The following UGT1A10 variants were observed in gnomAD, a reference collection of about 807,000 sequenced individuals.
UGT1A10 encodes UDP glucuronosyltransferase family 1 member A10.
A neutral mutation model predicts 45.8 loss-of-function variants in UGT1A10; 49 were observed. That is an observed-to-expected ratio of 1.07 (90% CI 0.85 to 1.36). The LOEUF is 1.36. UGT1A10 is among the 40% of genes most tolerant of loss of function. The probability of loss-of-function intolerance (pLI) is 0.00; values close to 1 mark genes in which losing one functional copy is unlikely to be tolerated. For missense variants in UGT1A10, 745 were observed against 668.6 expected (o/e 1.11, Z -1.26); for synonymous variants, 284 against 249.7 (o/e 1.14, Z -1.29).
intron 1 of UGT1A10, among the ~76,000 whole-genome samples, chr2:233,714,210 C>T (rs368814917): frequency 6.6e-4 from 100 of 152,248 alleles, no homozygotes; most frequent in African/African-American, 2.3e-3. Context: ...CTGATCCATC[C>T]AATCTTGCTG....
intron 1 of UGT1A10, among the ~76,000 whole-genome samples, chr2:233,722,492 T>G (rs1349668885): frequency 6.6e-6 from 1 of 152,244 alleles, no homozygotes; most frequent in African/African-American, 2.4e-5. Context: ...ACTGTTTCAT[T>G]TTCCGTTTCG....
At chr2:233,712,285 C>A (rs1006045038) in intron 1 of UGT1A10, among the ~76,000 whole-genome samples, 14 of 152,370 alleles carry the variant, frequency 9.2e-5, no homozygotes, top group Middle Eastern at 3.4e-3. Flanking sequence ...AGCACCTCTT[C>A]TTCCATGGTG....
At chr2:233,730,071 T>C in intron 1 of UGT1A10, 2 of 1,609,386 alleles carry the variant, frequency 1.2e-6, no homozygotes, top group Non-Finnish European at 1.7e-6. Context: ...TAAAATTGCT[T>C]CCATATTTAC....
At position 233,747,852 on chromosome 2, in the gene UGT1A10, A is replaced by G. The variant is rs1025681492; in HGVS notation, c.856-19182A>G. The G allele has an allele frequency of 1.3e-5, 21 of 1,613,396 alleles. 1 individual carries two copies. The African/African-American group carries it at 1.9e-4, about 14-fold the overall frequency. On this transcript the variant is annotated intron_variant, in intron 1 of 4. Coordinates refer to ENST00000344644, the MANE Select transcript of UGT1A10 (RefSeq NM_019075.4). ...GACATTCCTGCAAAGGGTCAAGAAC[A>G]TGCTCTACCCTCTGGCCCTGTCCTA...
chr2:233,656,292 A>G (rs1363273500), intron 1 of UGT1A10, among the ~76,000 whole-genome samples: 2 of 152,204 alleles, frequency 1.3e-5, no homozygotes, highest in African/African-American at 2.4e-5. Context: ...ACTCAAATTC[A>G]CAGTCTCCGT....
At chr2:233,747,632 C>G in intron 1 of UGT1A10, 1 of 1,580,404 alleles carries the variant, frequency 6.3e-7, no homozygotes, top group Non-Finnish European at 8.7e-7. Context: ...TGATCAGGCA[C>G]CTGAATGCTA....
intron 1 of UGT1A10, among the ~76,000 whole-genome samples, chr2:233,748,824 G>A (rs1694036500): frequency 6.6e-6 from 1 of 151,412 alleles, no homozygotes. Context: ...GAAGGGTCTA[G>A]GGAGGAGATA....
intron 1 of UGT1A10, among the ~76,000 whole-genome samples, chr2:233,738,198 C>T (rs981830187): frequency 3.3e-5 from 5 of 152,188 alleles, no homozygotes; most frequent in Admixed American, 3.3e-4. Context: ...GCCTCTCTCT[C>T]ACTTTCTGCC....
chr2:233,664,947 T>G (rs2074042644), intron 1 of UGT1A10, among the ~76,000 whole-genome samples: 1 of 152,240 alleles, frequency 6.6e-6, no homozygotes, highest in Admixed American at 6.5e-5. Flanking sequence ...GATACTCTTT[T>G]TGGGAAAATA....
In UGT1A10 at chr2:233,747,979, T is replaced by C. The variant is rs1334158075; in HGVS notation, c.856-19055T>C. 3.7e-6 allele frequency: 6 copies of C among 1,613,558 alleles called. No homozygotes were observed. The East Asian group carries it at 1.3e-4, about 36-fold the overall frequency. ...CTTCTCAGCCATGCATCTGTGTGGCTGTTCCGAGGGGACTTTGTGATGGAT... is the reference window on the plus strand; with the variant it reads ...CTTCTCAGCCATGCATCTGTGTGGCCGTTCCGAGGGGACTTTGTGATGGAT... On this transcript the variant is annotated intron_variant, in intron 1 of 4. Transcript: ENST00000344644.
chr2:233,754,498 C>T, intron 1 of UGT1A10: 1 of 356,952 alleles, frequency 2.8e-6, no homozygotes, highest in South Asian at 2.1e-5. Context: ...TAAAAAAAGT[C>T]CGCTATTCCT....
At chr2:233,747,784 C>A in intron 1 of UGT1A10, 1 of 1,613,530 alleles carries the variant, frequency 6.2e-7, no homozygotes, top group Non-Finnish European at 8.5e-7. Context: ...CCAAATCCTT[C>A]CTCCTATATT....
intron 1 of UGT1A10, chr2:233,718,669 A>C (rs2076673773): frequency 1.3e-6 from 2 of 1,549,114 alleles, no homozygotes. Context: ...TTATAGATTA[A>C]TGGGTAATAA....
chr2:233,760,703 C>T, intron 1 of UGT1A10: 1 of 1,614,236 alleles, frequency 6.2e-7, no homozygotes. Flanking sequence ...CTCATGGCCT[C>T]CCTGGCAGAA....
chr2:233,713,528 T>C (rs1471082533), intron 1 of UGT1A10: 7 of 1,613,924 alleles, frequency 4.3e-6, no homozygotes, highest in Admixed American at 3.3e-5. Flanking sequence ...TTCCATGTGA[T>C]TTAGACTTTA....
In UGT1A10 at chr2:233,729,271, C is replaced by T. The variant is rs45595237; in HGVS notation, c.856-37763C>T. ...CTGGCTCAGCATGCGGGAGGTCTTGCGGGAGCTCCATGCCAGAGGCCACCA... is the reference window on the plus strand; with the variant it reads ...CTGGCTCAGCATGCGGGAGGTCTTGTGGGAGCTCCATGCCAGAGGCCACCA... On this transcript the variant is annotated intron_variant, in intron 1 of 4. Transcript: ENST00000344644. The T allele has an allele frequency of 1.2e-3, 1,887 of 1,614,166 alleles. 14 individuals are homozygous for T. The African/African-American group carries it at 0.018, about 15-fold the overall frequency.
At chr2:233,760,857 C>G in intron 1 of UGT1A10, 1 of 1,614,098 alleles carries the variant, frequency 6.2e-7, no homozygotes, top group Non-Finnish European at 8.5e-7. Flanking sequence ...CCAACCCATT[C>G]TCCTACGTGC....
intron 1 of UGT1A10, among the ~76,000 whole-genome samples, chr2:233,744,770 A>G (rs1692917910): frequency 6.6e-6 from 1 of 151,946 alleles, no homozygotes. Context: ...TTAACTTTGC[A>G]AAATTCTCCT....
At chr2:233,661,467 T>C (rs1298528893) in intron 1 of UGT1A10, among the ~76,000 whole-genome samples, 1 of 152,170 alleles carries the variant, frequency 6.6e-6, no homozygotes, top group Non-Finnish European at 1.5e-5. Context: ...CCTAGTTCTT[T>C]TTATCCATTA....
Sources: allele counts gnomAD v4.1 joint callset (sites outside exome capture counted in the v4.1 genomes callset), GRCh38; gene constraint gnomAD v4.1.1; transcripts MANE v1.5; gene names NCBI Gene and HGNC (gene_info 2026-07-23, HGNC 2026-07-21).